Variants in LRRC4C observed in about 807,000 individuals in gnomAD.
The protein encoded by LRRC4C is leucine rich repeat containing 4C, also known as leucine-rich repeat-containing protein 4C.
A neutral mutation model predicts 33.6 loss-of-function variants in LRRC4C; 5 were observed. That is an observed-to-expected ratio of 0.15 (90% CI 0.08 to 0.31). LRRC4C has a LOEUF of 0.31. LRRC4C is among the 10% of genes least tolerant of loss of function. The pLI, the probability that LRRC4C is intolerant of heterozygous loss-of-function variation, is 1.00. For missense variants in LRRC4C, 560 were observed against 796.7 expected, an observed-to-expected ratio of 0.70 and a Z score of 3.58; for synonymous variants, 329 against 302.0, an observed-to-expected ratio of 1.09 and a Z score of -0.93.
chr11:40,158,937 A>T (rs1423755865), intron 5 of LRRC4C, among the ~76,000 whole-genome samples: 1 of 152,180 alleles, frequency 6.6e-6, no homozygotes, highest in Non-Finnish European at 1.5e-5. Context: ...ATTAAAATTC[A>T]TTTCTTTATT....
At chr11:40,589,338 T>C (rs1336754801) in intron 3 of LRRC4C, among the ~76,000 whole-genome samples, 2 of 152,082 alleles carry the variant, frequency 1.3e-5, no homozygotes, top group Non-Finnish European at 2.9e-5. Flanking sequence ...TGGTAGATCT[T>C]CCTCCATCCT....
chr11:40,780,704 C>T (rs1950178151), intron 2 of LRRC4C, among the ~76,000 whole-genome samples: 1 of 151,802 alleles, frequency 6.6e-6, no homozygotes, highest in Admixed American at 6.6e-5. Context: ...AACTGAACCT[C>T]ATATACAGTT....
intron 3 of LRRC4C, among the ~76,000 whole-genome samples, chr11:40,597,684 A>T (rs1959498072): frequency 6.6e-6 from 1 of 152,178 alleles, no homozygotes; most frequent in South Asian, 2.1e-4. Flanking sequence ...AAGGACTGAT[A>T]CTACAAAGAG....
At chr11:40,987,362 A>G (rs1225145917) in intron 1 of LRRC4C, among the ~76,000 whole-genome samples, 1 of 152,150 alleles carries the variant, frequency 6.6e-6, no homozygotes, top group Non-Finnish European at 1.5e-5. Context: ...AGAAACTGAG[A>G]GTTTAATAAC....
chr11:40,683,781 G>C (rs1199122471), intron 2 of LRRC4C, among the ~76,000 whole-genome samples: 1 of 152,118 alleles, frequency 6.6e-6, no homozygotes, highest in Non-Finnish European at 1.5e-5. Context: ...CTCATAAAAA[G>C]AAAGAATAGA....
chr11:40,783,422 A>C (rs1035390405), intron 2 of LRRC4C, among the ~76,000 whole-genome samples: 6 of 151,886 alleles, frequency 4.0e-5, no homozygotes, highest in Non-Finnish European at 7.4e-5. Context: ...CAGCATCCCG[A>C]GTAGCTGGGA....
At chr11:40,869,208 G>T (rs1184771833) in intron 2 of LRRC4C, among the ~76,000 whole-genome samples, 1 of 152,020 alleles carries the variant, frequency 6.6e-6, no homozygotes, top group Non-Finnish European at 1.5e-5. Context: ...AATATAAAAA[G>T]GTAAGACAAA....
intron 3 of LRRC4C, among the ~76,000 whole-genome samples, chr11:40,620,586 C>A (rs867544593): frequency 3.2e-4 from 48 of 151,702 alleles, no homozygotes; most frequent in African/African-American, 1.1e-3. Flanking sequence ...TGAAATAATA[C>A]GTTAAAGCTA....
chr11:40,798,681 C>G (rs1415816173), intron 2 of LRRC4C, among the ~76,000 whole-genome samples: 1 of 144,196 alleles, frequency 6.9e-6, no homozygotes, highest in African/African-American at 2.6e-5. Flanking sequence ...TTCACTCTTG[C>G]TGCCCAGGCT....
At chr11:40,510,221 A>G (rs1955244918) in intron 3 of LRRC4C, among the ~76,000 whole-genome samples, 1 of 148,902 alleles carries the variant, frequency 6.7e-6, no homozygotes, top group African/African-American at 2.4e-5. Flanking sequence ...TTATATATAT[A>G]TATCTCATAT....
At chr11:40,691,930 T>A (rs1204306465) in intron 2 of LRRC4C, among the ~76,000 whole-genome samples, 3 of 152,086 alleles carry the variant, frequency 2.0e-5, no homozygotes, top group Non-Finnish European at 4.4e-5. Flanking sequence ...GTTTCATCAC[T>A]GTCTCCACAG....
intron 1 of LRRC4C, among the ~76,000 whole-genome samples, chr11:41,153,704 T>C (rs2135981030): frequency 6.6e-6 from 1 of 152,290 alleles, no homozygotes; most frequent in Middle Eastern, 3.4e-3. Context: ...AAACCTGCAC[T>C]GTTAGAAATT....
intron 2 of LRRC4C, among the ~76,000 whole-genome samples, chr11:40,738,667 A>G (rs1359340155): frequency 6.6e-6 from 1 of 152,148 alleles, no homozygotes; most frequent in Non-Finnish European, 1.5e-5. Flanking sequence ...TTTTAAAATG[A>G]AGATAAATTT....
chr11:40,992,898 C>T (rs1337010903), intron 1 of LRRC4C, among the ~76,000 whole-genome samples: 2 of 152,088 alleles, frequency 1.3e-5, no homozygotes, highest in South Asian at 2.1e-4. Context: ...CCAGTACAGA[C>T]AAGAACTTTA....
chr11:41,153,637 G>A (rs1028341736), intron 1 of LRRC4C, among the ~76,000 whole-genome samples: 6 of 152,056 alleles, frequency 3.9e-5, no homozygotes, highest in African/African-American at 9.7e-5. Flanking sequence ...TGCTAAAAAC[G>A]GTATCTTGTG....
chr11:41,084,077 T>G (rs1590489059), intron 1 of LRRC4C, among the ~76,000 whole-genome samples: 1 of 152,198 alleles, frequency 6.6e-6, no homozygotes, highest in Non-Finnish European at 1.5e-5. Context: ...TAAAGTGAGC[T>G]AATACCTGTA....
chr11:40,494,946 T>C (rs1275255750), intron 3 of LRRC4C, among the ~76,000 whole-genome samples: 2 of 152,230 alleles, frequency 1.3e-5, no homozygotes, highest in Non-Finnish European at 2.9e-5. Flanking sequence ...CTGTAAATTA[T>C]AGAAAATTGT....
At chr11:40,404,301 G>A (rs1366069964) in intron 3 of LRRC4C, among the ~76,000 whole-genome samples, 1 of 152,142 alleles carries the variant, frequency 6.6e-6, no homozygotes, top group Non-Finnish European at 1.5e-5. Flanking sequence ...CAACTCAGCT[G>A]AGCCCCGTCC....
At chr11:41,393,952 AT>A (rs545258041) in intron 1 of LRRC4C, among the ~76,000 whole-genome samples, 53 of 151,890 alleles carry the variant, frequency 3.5e-4, no homozygotes, top group East Asian at 1.6e-3. Context: ...CCCAGTGATA[AT>A]TTTTTTTAAG....
Sources: allele counts gnomAD v4.1 joint callset (sites outside exome capture counted in the v4.1 genomes callset), GRCh38; gene constraint gnomAD v4.1.1; transcripts MANE v1.5; gene names NCBI Gene and HGNC (gene_info 2026-07-23, HGNC 2026-07-21).